Variants in LRRC8E observed in about 807,000 individuals in gnomAD.
The protein encoded by LRRC8E is volume-regulated anion channel subunit LRRC8E.
Under a neutral mutation model 6.1 loss-of-function variants are expected in LRRC8E, and 6 were observed. The ratio of observed to expected loss-of-function variants is 0.98; its 90% confidence interval spans 0.54 to 1.93. The LOEUF is 1.93. Ranked by LOEUF, LRRC8E falls within the 30% of genes most tolerant of loss-of-function variation. The pLI is 0.01. For synonymous variants in LRRC8E, 485 were observed against 472.8 expected, an observed-to-expected ratio of 1.03 and a Z score of -0.33; for missense variants, 1,028 against 1,031.4, an observed-to-expected ratio of 1.00 and a Z score of 0.04.
At chr19:7,891,727 C>G (rs975689915) in intron 1 of LRRC8E, among the ~76,000 whole-genome samples, 6 of 152,122 alleles carry the variant, frequency 3.9e-5, no homozygotes, top group African/African-American at 1.2e-4. Flanking sequence ...CTGCCTCACT[C>G]TCCTGAGTAG....
Position 7,895,846 on chromosome 19 carries a change from C to G in LRRC8E, c.138+105C>G. On this transcript the variant is annotated intron_variant, in intron 2 of 2. Coordinates refer to ENST00000306708, the MANE Select transcript of LRRC8E (RefSeq NM_025061.6). This position sits in a 1 kb window ranked among gnomAD's most constrained non-coding sequence, Gnocchi z 4.7. ...CCCAAGAAAGAGAGGAAACTGAAGACAGAGCCCCACTCAAAGGCCAATCCA... is the reference window on the plus strand; with the variant it reads ...CCCAAGAAAGAGAGGAAACTGAAGAGAGAGCCCCACTCAAAGGCCAATCCA... The G allele has an allele frequency of 2.1e-6, 3 of 1,448,410 alleles. No individual in the cohort carries two copies. Among genetic ancestry groups the G allele is most frequent in the Non-Finnish European group, 2.8e-6 (3 of 1,065,754 alleles). 89.7% of individuals were successfully genotyped at this position (1,448,410 alleles called of 1,614,324 possible). A position where few individuals can be genotyped will look rare whatever the true frequency, so the allele number is the denominator to read the frequency against.
chr19:7,899,309 G>C lies in LRRC8E; in HGVS notation c.787G>C (p.Val263Leu), dbSNP rs1281261009. 1 of 1,614,230 alleles carries C rather than the reference G, an allele frequency of 6.2e-7. No individual in the cohort carries two copies. Among genetic ancestry groups the C allele is most frequent in the Middle Eastern group, 1.6e-4 (1 of 6,062 alleles). ...TMYIRQTVLK[V>L]CKFLAILVYN... ...GTACATCCGACAGACGGTGCTGAAA[G>C]TGTGTAAGTTCCTGGCCATCCTGGT... Residue 263 changes from valine (V) to leucine (L), a missense_variant, in exon 3 of 3, where the codon GTG becomes CTG. Val to Leu is a conservative substitution (Grantham distance 32). Coordinates refer to ENST00000306708, the MANE Select transcript of LRRC8E (RefSeq NM_025061.6).
intron 2 of LRRC8E, among the ~76,000 whole-genome samples, chr19:7,896,178 G>A (rs1200581343): frequency 2.0e-5 from 3 of 151,720 alleles, no homozygotes; most frequent in Admixed American, 1.3e-4. Flanking sequence ...GACCTCAAGT[G>A]ACCTGCCTGC....
chr19:7,896,402 C>T (rs568580151), intron 2 of LRRC8E, among the ~76,000 whole-genome samples: 2 of 150,332 alleles, frequency 1.3e-5, no homozygotes, highest in East Asian at 2.1e-4. Flanking sequence ...GGTGAAAACC[C>T]GTCCTTACTA....
Position 7,901,016 on chromosome 19 carries a change from A to G in LRRC8E, c.*103A>G, listed in dbSNP as rs1292108730. 28 of 378,816 alleles carry G rather than the reference A, an allele frequency of 7.4e-5. No homozygotes were observed. The highest frequency in any genetic ancestry group is 1.8e-4 in the Admixed American group (3 of 17,112). The allele number at this position is 378,816 out of a possible 1,614,324, so 23.5% of individuals were successfully genotyped here. A position where few individuals can be genotyped will look rare whatever the true frequency, so the allele number is the denominator to read the frequency against. ...GGAAGCCAAGTGGGTCCAGGCCAGGAGATGGGGGGGGCGGGGGCAGCTGTG... is the reference window on the plus strand; with the variant it reads ...GGAAGCCAAGTGGGTCCAGGCCAGGGGATGGGGGGGGCGGGGGCAGCTGTG... On this transcript the variant is annotated 3_prime_UTR_variant, in exon 3 of 3. Coordinates refer to ENST00000306708, the MANE Select transcript of LRRC8E (RefSeq NM_025061.6).
In LRRC8E at chr19:7,901,015, G is replaced by T; in HGVS notation, c.*102G>T. Reference sequence around the variant, plus strand: ...AGGAAGCCAAGTGGGTCCAGGCCAGGAGATGGGGGGGGCGGGGGCAGCTGT... The same window carrying T: ...AGGAAGCCAAGTGGGTCCAGGCCAGTAGATGGGGGGGGCGGGGGCAGCTGT... On this transcript the variant is annotated 3_prime_UTR_variant, in exon 3 of 3. Coordinates refer to ENST00000306708, the MANE Select transcript of LRRC8E (RefSeq NM_025061.6). The T allele has an allele frequency of 1.5e-6, 1 of 671,702 alleles. No homozygotes were observed. The allele number at this position is 671,702 out of a possible 1,614,324, so 41.6% of individuals were successfully genotyped here. A position where few individuals can be genotyped will look rare whatever the true frequency, so the allele number is the denominator to read the frequency against.
rs1163826963 is a variant in LRRC8E, at chr19:7,891,524, GGTGTGTGTGTGTGTGTGTGTGTTTGT to G, written c.-6+2941_-6+2966del. Among the ~76,000 whole-genome samples, 152 of 125,938 alleles carry G rather than the reference GGTGTGTGTGTGTGTGTGTGTGTTTGT, an allele frequency of 1.2e-3. 1 individual carries two copies. Among genetic ancestry groups the G allele is most frequent in the African/African-American group, 3.6e-3 (142 of 39,124 alleles). The allele number at this position is 125,938 out of a possible 152,430, so 82.6% of individuals were successfully genotyped here. Reference sequence around the variant, plus strand: ...AGGACAGGAAGTTGGTCCCTGCTCGGGTGTGTGTGTGTGTGTGTGTGTTTGTGTGTGTGTGTGTGTGTTGTGTGATT... The same window carrying G: ...AGGACAGGAAGTTGGTCCCTGCTCGGGTGTGTGTGTGTGTGTTGTGTGATT... On this transcript the variant is annotated intron_variant, in intron 1 of 2. Transcript: ENST00000306708.
chr19:7,891,525 GTGTGTGTGTGTGTGTGTGTGTT>G (rs1418938521), intron 1 of LRRC8E, among the ~76,000 whole-genome samples: 2 of 39,920 alleles, frequency 5.0e-5, no homozygotes, highest in East Asian at 1.2e-3. Flanking sequence ...CCCTGCTCGG[GTGTGTGTGTGTGTGTGTGTGTT>G]TGTGTGTGTG....
chr19:7,888,933 G>A (rs1981159850), intron 1 of LRRC8E, among the ~76,000 whole-genome samples: 1 of 152,206 alleles, frequency 6.6e-6, no homozygotes, highest in Middle Eastern at 3.4e-3. Flanking sequence ...ACTCATCCCC[G>A]GGAGACTCTC....
chr19:7,900,280 G>A lies in LRRC8E; in HGVS notation c.1758G>A (p.Glu586=). 1 of 1,613,406 alleles carries A rather than the reference G, an allele frequency of 6.2e-7. No individual in the cohort carries two copies. Among genetic ancestry groups the A allele is most frequent in the Non-Finnish European group, 8.5e-7 (1 of 1,180,030 alleles). The change falls in exon 3 of 3, where the codon GAG becomes GAA. Residue 586 remains glutamate, a synonymous_variant. Coordinates refer to ENST00000306708, the MANE Select transcript of LRRC8E (RefSeq NM_025061.6). This position sits in a 1 kb window ranked among gnomAD's most constrained non-coding sequence, Gnocchi z 5.0. Reference sequence around the variant, plus strand: ...TCAAGAAGCTGGCGGCATTGCGGGAGCTGGAGCTGGTGGCCTGCGGGCTGG... The same window carrying A: ...TCAAGAAGCTGGCGGCATTGCGGGAACTGGAGCTGGTGGCCTGCGGGCTGG... ...NSLKKLAALR[E]LELVACGLER...
chr19:7,892,141 T>C (rs1009237650), intron 1 of LRRC8E, among the ~76,000 whole-genome samples: 4 of 152,014 alleles, frequency 2.6e-5, no homozygotes, highest in Non-Finnish European at 4.4e-5. Context: ...TGTGCAATCT[T>C]GGCTCACTGC....
chr19:7,893,514 G>A (rs1016381138), intron 1 of LRRC8E: 2 of 151,986 alleles, frequency 1.3e-5, no homozygotes, highest in African/African-American at 4.8e-5. Context: ...CTGGGTCTGG[G>A]TGAGTCACTG....
rs767105248 is a variant in LRRC8E at position 7,895,791 on chromosome 19, G to T, written c.138+50G>T. 17 of 1,592,426 alleles carry T rather than the reference G, an allele frequency of 1.1e-5. No homozygotes were observed. The highest frequency in any genetic ancestry group is 1.3e-5 in the African/African-American group (1 of 74,478). On this transcript the variant is annotated intron_variant, in intron 2 of 2. Transcript: ENST00000306708. The surrounding 1 kb of genome is among the most constrained non-coding windows in gnomAD (Gnocchi z 4.7). ...GTGTGACCAGAGGGGCGGGGCAGGT[G>T]TCTGGGGAAGTCGGGAAGCCTTCTC... is the stretch of plus-strand genomic sequence containing the variant.
At chr19:7,892,437 G>T (rs926059204) in intron 1 of LRRC8E, among the ~76,000 whole-genome samples, 3 of 151,922 alleles carry the variant, frequency 2.0e-5, no homozygotes, top group Non-Finnish European at 1.5e-5. Context: ...CAAACTCCTG[G>T]GCTCAAGCAA....
chr19:7,899,521 G>GC lies in LRRC8E; in HGVS notation c.1000dup (p.Leu334ProfsTer25). 6.2e-7 allele frequency: 1 copy of GC among 1,613,956 alleles called. No individual in the cohort carries two copies. Among genetic ancestry groups the GC allele is most frequent in the East Asian group, 2.2e-5 (1 of 44,884 alleles). ...TTACCTGCATCTACACGCTCTACTG[G>GC]CTCTTCCACCGGCCCCTCAAGGAGT... On this transcript the variant is annotated frameshift_variant, in exon 3 of 3. Transcript: ENST00000306708. LOFTEE classifies it low-confidence loss of function (END_TRUNC).
At position 7,900,935 on chromosome 19, in the gene LRRC8E, G is replaced by A; in HGVS notation, c.*22G>A. 6.7e-7 allele frequency: 1 copy of A among 1,498,506 alleles called. No individual in the cohort carries two copies. The highest frequency in any genetic ancestry group is 8.9e-7 in the Non-Finnish European group (1 of 1,123,960). The allele number at this position is 1,498,506 out of a possible 1,614,324, so 92.8% of individuals were successfully genotyped here. ...ATGAAGCTGGGGTGGGGCCGTTTTAGGTAGAGCCTTAAAAATGCTTCTGCC... is the reference window on the plus strand; with the variant it reads ...ATGAAGCTGGGGTGGGGCCGTTTTAAGTAGAGCCTTAAAAATGCTTCTGCC... On this transcript the variant is annotated 3_prime_UTR_variant, in exon 3 of 3. Coordinates refer to ENST00000306708, the MANE Select transcript of LRRC8E (RefSeq NM_025061.6). This position sits in a 1 kb window ranked among gnomAD's most constrained non-coding sequence, Gnocchi z 5.0.
rs2145102244 is a variant in LRRC8E, at chr19:7,895,376, G to A, written c.-5-223G>A. On this transcript the variant is annotated intron_variant, in intron 1 of 2. Transcript: ENST00000306708. This position sits in a 1 kb window ranked among gnomAD's most constrained non-coding sequence, Gnocchi z 4.7. ...CAGATCAGGTGCAGGGGTGCCCAGA[G>A]GGGAACAGTGGCCGCTTGGTTCTGG... The A allele has an allele frequency of 1.8e-6, 1 of 559,428 alleles. No homozygotes were observed. The highest frequency in any genetic ancestry group is 3.2e-6 in the Non-Finnish European group (1 of 310,236). The allele number at this position is 559,428 out of a possible 1,614,324, so 34.7% of individuals were successfully genotyped here.
Position 7,899,702 on chromosome 19 carries a change from A to G in LRRC8E, c.1180A>G (p.Lys394Glu), listed in dbSNP as rs1445530574. 1 of 1,613,476 alleles carries G rather than the reference A, an allele frequency of 6.2e-7. No homozygotes were observed. The highest frequency in any genetic ancestry group is 1.1e-5 in the South Asian group (1 of 91,084). ...GTCCGAGGTCAGCGAAAGCCGTCTAAAGCAGCTCAATCTCAACCACGAGTG... is the reference window on the plus strand; with the variant it reads ...GTCCGAGGTCAGCGAAAGCCGTCTAGAGCAGCTCAATCTCAACCACGAGTG... Reference protein sequence around the residue: ...FLSEVSESRLKQLNLNHEWTP... With the variant: ...FLSEVSESRLEQLNLNHEWTP... Residue 394 changes from lysine (K) to glutamate (E), a missense_variant, in exon 3 of 3, where the codon AAG becomes GAG. Coordinates refer to ENST00000306708, the MANE Select transcript of LRRC8E (RefSeq NM_025061.6).
intron 1 of LRRC8E, among the ~76,000 whole-genome samples, chr19:7,889,029 A>T (rs1981165617): frequency 6.6e-6 from 1 of 152,128 alleles, no homozygotes; most frequent in South Asian, 2.1e-4. Flanking sequence ...CAGATCTTCA[A>T]GTCTGCTGGC....
Sources: gnomAD v4.1 joint callset for allele counts (sites outside exome capture counted in the v4.1 genomes callset) on GRCh38, gnomAD v4.1.1 for gene constraint, Gnocchi (gnomAD v3.1) non-coding constraint, MANE v1.5 for transcripts, NCBI Gene and HGNC (gene_info 2026-07-23, HGNC 2026-07-21) for gene names.